ITPR2: variants seen among roughly 807,000 people sequenced by gnomAD.
ITPR2 encodes inositol 1,4,5-trisphosphate receptor type 2, also known as inositol 1,4,5-trisphosphate-gated calcium channel ITPR2.
In ITPR2, 207 loss-of-function variants were observed where a neutral mutation model predicts 317.1. The ratio of observed to expected loss-of-function variants is 0.65; its 90% confidence interval spans 0.58 to 0.73. ITPR2 has a LOEUF of 0.73. ITPR2 is among the 30% of genes least tolerant of loss of function. ITPR2 has a pLI of 0.00. For synonymous variants in ITPR2, 1,156 were observed against 1,149.1 expected, an observed-to-expected ratio of 1.01 and a Z score of -0.12; for missense variants, 2,613 against 3,284.0, an observed-to-expected ratio of 0.80 and a Z score of 4.99.
Position 26,653,969 on chromosome 12 carries a change from T to C in ITPR2, c.2740+7A>G. 6.2e-7 allele frequency: 1 copy of C among 1,605,604 alleles called. No individual in the cohort carries two copies. The highest frequency in any genetic ancestry group is 8.5e-7 in the Non-Finnish European group (1 of 1,174,418). On this transcript the variant is annotated splice_region_variant and intron_variant, in intron 21 of 56. Transcript: ENST00000381340. ...AATGATATTATCACATTTCCCAAAATTCTTACCTCCATCTTGAAATTTGCT... is the reference window on the plus strand; with the variant it reads ...AATGATATTATCACATTTCCCAAAACTCTTACCTCCATCTTGAAATTTGCT...
In ITPR2 at chr12:26,396,689, C is replaced by T. The variant is rs953624628; in HGVS notation, c.7696+2187G>A. Among the ~76,000 whole-genome samples, 3 of 152,192 alleles carry T rather than the reference C, an allele frequency of 2.0e-5. No individual in the cohort carries two copies. The East Asian group carries it at 5.8e-4, about 29-fold the overall frequency. ...AGGATTCCCCAGTTATAGTCTCCAG[C>T]GAAGACTCAATCTCTGAGGCTCAGA... On this transcript the variant is annotated intron_variant, in intron 54 of 56. Transcript: ENST00000381340.
intron 26 of ITPR2, among the ~76,000 whole-genome samples, chr12:26,617,071 A>G (rs1946388693): frequency 1.3e-5 from 2 of 152,218 alleles, no homozygotes; most frequent in Non-Finnish European, 2.9e-5. Context: ...TTAGTACTTA[A>G]GTTTTGAGGG....
At chr12:26,469,275 TAA>T (rs1341940861) in intron 45 of ITPR2, among the ~76,000 whole-genome samples, 1 of 152,222 alleles carries the variant, frequency 6.6e-6, no homozygotes, top group East Asian at 1.9e-4. Context: ...TATCTTATAA[TAA>T]ATAAGCCTGA....
At chr12:26,776,401 A>G (rs1359902551) in intron 2 of ITPR2, among the ~76,000 whole-genome samples, 1 of 152,194 alleles carries the variant, frequency 6.6e-6, no homozygotes, top group African/African-American at 2.4e-5. Flanking sequence ...CAAATCTGCT[A>G]AGACTGCCCT....
At chr12:26,351,672 T>A (rs1044780962) in intron 55 of ITPR2, among the ~76,000 whole-genome samples, 2 of 152,104 alleles carry the variant, frequency 1.3e-5, no homozygotes, top group Non-Finnish European at 2.9e-5. Context: ...GAAGAGACTG[T>A]TGGGGACACC....
chr12:26,454,576 A>G (rs983711773), intron 45 of ITPR2, among the ~76,000 whole-genome samples: 1 of 152,216 alleles, frequency 6.6e-6, no homozygotes, highest in African/African-American at 2.4e-5. Flanking sequence ...CTTTTCTTTT[A>G]AAAGCATTCT....
chr12:26,786,428 G>T (rs1592131097), intron 2 of ITPR2, among the ~76,000 whole-genome samples: 2 of 68,834 alleles, frequency 2.9e-5, no homozygotes, highest in South Asian at 6.1e-4. Flanking sequence ...CCCTCTGCGA[G>T]AAACACCCAA....
At chr12:26,703,690 ACCTCTGTGAGC>A (rs1948497741) in intron 9 of ITPR2, among the ~76,000 whole-genome samples, 1 of 152,202 alleles carries the variant, frequency 6.6e-6, no homozygotes, top group South Asian at 2.1e-4. Flanking sequence ...AAAATAAATC[ACCTCTGTGAGC>A]CTGGATTTCT....
chr12:26,652,334 T>C (rs1035229247), intron 21 of ITPR2, among the ~76,000 whole-genome samples: 1 of 152,264 alleles, frequency 6.6e-6, no homozygotes, highest in Non-Finnish European at 1.5e-5. Flanking sequence ...CTTATTGATT[T>C]GTACAGTTTT....
intron 13 of ITPR2, among the ~76,000 whole-genome samples, chr12:26,672,791 A>G (rs1459795143): frequency 6.6e-6 from 1 of 152,140 alleles, no homozygotes; most frequent in African/African-American, 2.4e-5. Flanking sequence ...AACAAAATTG[A>G]TAGACTGCTA....
intron 32 of ITPR2, among the ~76,000 whole-genome samples, chr12:26,594,738 T>C (rs1256818102): frequency 6.6e-6 from 1 of 150,828 alleles, no homozygotes; most frequent in African/African-American, 2.4e-5. Context: ...TAATTCAGTA[T>C]GCAAAAAAAA....
intron 37 of ITPR2, among the ~76,000 whole-genome samples, chr12:26,546,347 CT>C (rs1944390007): frequency 6.6e-6 from 1 of 152,136 alleles, no homozygotes. Flanking sequence ...CATTTTCCCA[CT>C]CCCACCCTTC....
intron 37 of ITPR2, among the ~76,000 whole-genome samples, chr12:26,532,828 G>A (rs1297888626): frequency 6.6e-6 from 1 of 151,992 alleles, no homozygotes; most frequent in Non-Finnish European, 1.5e-5. Context: ...CAGGATTACA[G>A]GCATGCACCA....
At chr12:26,402,551 T>C (rs888410885) in intron 52 of ITPR2, among the ~76,000 whole-genome samples, 1 of 152,250 alleles carries the variant, frequency 6.6e-6, no homozygotes, top group Non-Finnish European at 1.5e-5. Context: ...TGTTGTGGAA[T>C]AAAACGAATT....
At chr12:26,806,526 A>G (rs889169186) in intron 1 of ITPR2, among the ~76,000 whole-genome samples, 3 of 152,350 alleles carry the variant, frequency 2.0e-5, no homozygotes, top group Non-Finnish European at 4.4e-5. Context: ...CAAGTACCAC[A>G]TTACCTTCTA....
intron 55 of ITPR2, among the ~76,000 whole-genome samples, chr12:26,357,056 G>A (rs372661210): frequency 2.4e-4 from 36 of 151,888 alleles, no homozygotes; most frequent in Non-Finnish European, 3.2e-4. Context: ...GGTATTTCCC[G>A]AGTGACAGAG....
chr12:26,806,111 C>A (rs1286545047), intron 1 of ITPR2, among the ~76,000 whole-genome samples: 9 of 152,146 alleles, frequency 5.9e-5, no homozygotes, highest in Admixed American at 5.9e-4. Context: ...AATCTCCCAA[C>A]TAGGGAGCAC....
Position 26,631,933 on chromosome 12 carries a change from C to A in ITPR2, c.2867G>T (p.Gly956Val), listed in dbSNP as rs1159113121. 6.2e-7 allele frequency: 1 copy of A among 1,613,820 alleles called. No individual in the cohort carries two copies. Among genetic ancestry groups the A allele is most frequent in the Non-Finnish European group, 8.5e-7 (1 of 1,179,970 alleles). ...CACATCCTCGTGCTCGGTGGGGCTCCCTTGCTTGCTCGGGTGGATGCTGGG... is the reference window on the plus strand; with the variant it reads ...CACATCCTCGTGCTCGGTGGGGCTCACTTGCTTGCTCGGGTGGATGCTGGG... Reference protein sequence around the residue: ...VPPSIHPSKQGSPTEHEDVTV... With the variant: ...VPPSIHPSKQVSPTEHEDVTV... The change falls in exon 22 of 57, where the codon GGG (glycine) becomes GTG (valine). Residue 956 changes from glycine (G) to valine (V), a missense_variant. Gly to Val is a moderately radical substitution (Grantham distance 109). Transcript: ENST00000381340.
At chr12:26,790,280 C>G in intron 1 of ITPR2, 53 bp from the exon 2 acceptor site, 1 of 1,299,268 alleles carries the variant, frequency 7.7e-7, no homozygotes, top group Admixed American at 1.7e-5. Flanking sequence ...ATTCATAAAC[C>G]ACAGACTGCA....
Sources: gnomAD v4.1 joint callset for allele counts (sites outside exome capture counted in the v4.1 genomes callset) on GRCh38, gnomAD v4.1.1 for gene constraint, MANE v1.5 for transcripts, NCBI Gene and HGNC (gene_info 2026-07-23, HGNC 2026-07-21) for gene names.